Variants in CEP192 observed in about 807,000 individuals in gnomAD.
The protein encoded by CEP192 is centrosomal protein of 192 kDa.
Under a neutral mutation model 271.8 loss-of-function variants are expected in CEP192, and 151 were observed. The ratio of observed to expected loss-of-function variants is 0.56; its 90% CI spans 0.49 to 0.64. The LOEUF (loss-of-function observed/expected upper bound fraction) is 0.64, where lower values mean the gene tolerates loss of function less well. CEP192 is among the 30% of genes least tolerant of loss of function. The pLI is 0.00. For missense variants in CEP192, 2,910 were observed against 3,020.5 expected, an observed-to-expected ratio of 0.96 and a Z score of 0.86; for synonymous variants, 995 against 1,076.5, an observed-to-expected ratio of 0.92 and a Z score of 1.48.
At chr18:13,113,448 C>T in intron 40 of CEP192, 138 bp from the exon 41 acceptor site, 3 of 802,380 alleles carry the variant, frequency 3.7e-6, no homozygotes, top group East Asian at 2.7e-5. Context: ...CAAATTCTTT[C>T]AATTAATGGC....
At chr18:13,116,246 A>C in intron 42 of CEP192, 131 bp from the exon 43 acceptor site, 1 of 921,254 alleles carries the variant, frequency 1.1e-6, no homozygotes, top group South Asian at 1.6e-5. Context: ...CGTCATTACA[A>C]AACTTATATT....
chr18:13,113,018 C>T (rs2040272953), intron 40 of CEP192, among the ~76,000 whole-genome samples: 1 of 152,262 alleles, frequency 6.6e-6, no homozygotes, highest in Non-Finnish European at 1.5e-5. Context: ...AGGTTGTACA[C>T]ATGCAGGGTG....
In CEP192 at chr18:13,049,350, G is replaced by T. The variant is rs766949025; in HGVS notation, c.2559G>T (p.Glu853Asp). 7.4e-6 allele frequency: 12 copies of T among 1,614,000 alleles called. No individual in the cohort carries two copies. In the Admixed American group the frequency reaches 1.3e-4, roughly 18 times the overall value. ...TTTATGTTGAAAATGGAGAGAGTGA[G>T]AATCAAGAGTCATTTAGAACCATAA... ...AIVYVENGES[E>D]NQESFRTINS... Residue 853 changes from glutamate to aspartate, a missense_variant, in exon 16 of 45, where the codon GAG becomes GAT. Coordinates refer to ENST00000506447, the MANE Select transcript of CEP192 (RefSeq NM_032142.4).
At chr18:13,106,029 C>G (rs751616523) in intron 40 of CEP192, among the ~76,000 whole-genome samples, 2 of 152,102 alleles carry the variant, frequency 1.3e-5, no homozygotes, top group Non-Finnish European at 2.9e-5. Context: ...AAACTGCCAA[C>G]GTCATTTTTC....
At chr18:13,000,399 A>T (rs1263671141) in intron 2 of CEP192, 1 of 152,154 alleles carries the variant, frequency 6.6e-6, no homozygotes, top group Non-Finnish European at 1.5e-5. Context: ...TTGATATCTC[A>T]TGAGTTTCTG....
chr18:13,045,490 T>C (rs1215873246), intron 15 of CEP192, among the ~76,000 whole-genome samples: 1 of 152,214 alleles, frequency 6.6e-6, no homozygotes, highest in African/African-American at 2.4e-5. Context: ...TTTTTGAAAA[T>C]ATTTTCTGTA....
At chr18:13,020,322 A>G (rs1178606283) in intron 9 of CEP192, among the ~76,000 whole-genome samples, 1 of 152,226 alleles carries the variant, frequency 6.6e-6, no homozygotes, top group African/African-American at 2.4e-5. Context: ...TATAAGTGAA[A>G]TCATACAATA....
At chr18:12,999,005 T>C (rs1381942659) in intron 1 of CEP192, among the ~76,000 whole-genome samples, 1 of 152,192 alleles carries the variant, frequency 6.6e-6, no homozygotes, top group Non-Finnish European at 1.5e-5. Context: ...CTGGTTGTAC[T>C]TTTTCTGTTC....
At chr18:13,048,835 G>C in intron 15 of CEP192, 24 bp from the exon 16 acceptor site, 1 of 1,467,306 alleles carries the variant, frequency 6.8e-7, no homozygotes, top group Non-Finnish European at 9.3e-7. Flanking sequence ...AAATTTATCT[G>C]ATGTTTAATT....
In CEP192 at chr18:13,105,045, T is replaced by C; in HGVS notation, c.7013T>C (p.Ile2338Thr). ...TATGCAGCATTCAGATGTTCTCCTATTTCTGGTCTGCTGGAAAGCCATGGG... is the reference window on the plus strand; with the variant it reads ...TATGCAGCATTCAGATGTTCTCCTACTTCTGGTCTGCTGGAAAGCCATGGG... Reference protein sequence around the residue: ...ATYAAFRCSPISGLLESHGIQ... With the variant: ...ATYAAFRCSPTSGLLESHGIQ... Residue 2338 changes from isoleucine (I) to threonine (T), a missense_variant, in exon 40 of 45, where the codon ATT becomes ACT. By Grantham distance (89) the Ile-to-Thr change is moderately conservative (BLOSUM62 -1). Coordinates refer to ENST00000506447, the MANE Select transcript of CEP192 (RefSeq NM_032142.4). 1.2e-6 allele frequency: 2 copies of C among 1,614,106 alleles called. No individual in the cohort carries two copies. The highest frequency in any genetic ancestry group is 1.7e-6 in the Non-Finnish European group (2 of 1,179,908).
intron 1 of CEP192, among the ~76,000 whole-genome samples, chr18:12,998,688 T>C (rs1362870436): frequency 6.6e-6 from 1 of 152,204 alleles, no homozygotes; most frequent in Admixed American, 6.5e-5. Flanking sequence ...TTTTTTAGCT[T>C]TTCCTGATTA....
At chr18:13,053,141 T>C (rs764755718) in intron 18 of CEP192, 51 bp downstream of exon 18, 18 of 1,406,974 alleles carry the variant, frequency 1.3e-5, no homozygotes, top group Non-Finnish European at 1.4e-5. Context: ...CTCTTAAAAG[T>C]GTTAACAGAT....
rs369316044 is a variant in CEP192 at position 13,052,891 on chromosome 18, C to T, written c.3018-28C>T. The T allele has an allele frequency of 2.4e-5, 36 of 1,520,624 alleles. No individual in the cohort carries two copies. In the African/African-American group the frequency reaches 4.9e-4, roughly 20 times the overall value. 94.2% of individuals were successfully genotyped at this position (1,520,624 alleles called of 1,614,324 possible). ...TAGATAGTTGAAGGACTGGAGAACTCCAGGTGTGAGCTACTCTTCTCTTTC... is the reference window on the plus strand; with the variant it reads ...TAGATAGTTGAAGGACTGGAGAACTTCAGGTGTGAGCTACTCTTCTCTTTC... On this transcript the variant is annotated intron_variant, in intron 17 of 44. Transcript: ENST00000506447.
chr18:12,996,735 A>G (rs2145755286), intron 1 of CEP192, among the ~76,000 whole-genome samples: 1 of 152,302 alleles, frequency 6.6e-6, no homozygotes, highest in African/African-American at 2.4e-5. Context: ...TGAAGCCAAG[A>G]AAGTATTTCC....
At chr18:13,111,104 A>G (rs1305058302) in intron 40 of CEP192, among the ~76,000 whole-genome samples, 1 of 152,096 alleles carries the variant, frequency 6.6e-6, no homozygotes, top group African/African-American at 2.4e-5. Context: ...GATCCAATTG[A>G]GTTGACACCT....
At position 13,100,434 on chromosome 18, in the gene CEP192, A is replaced by G. The variant is rs1178847706; in HGVS notation, c.6793A>G (p.Thr2265Ala). ...AGTTAGTCATTTGGTCAAACCAATG[A>G]CAAAACCGCCTTCCACAAAAGTTGA... ...PSVSHLVKPM[T>A]KPPSTKVEIR... Residue 2265 changes from threonine (T) to alanine (A), a missense_variant, in exon 38 of 45, where the codon ACA (threonine) becomes GCA (alanine). By Grantham distance (58) the Thr-to-Ala change is moderately conservative (BLOSUM62 0). Transcript: ENST00000506447. 6.2e-7 allele frequency: 1 copy of G among 1,614,152 alleles called. No individual in the cohort carries two copies. Among genetic ancestry groups the G allele is most frequent in the Non-Finnish European group, 8.5e-7 (1 of 1,179,998 alleles).
intron 32 of CEP192, among the ~76,000 whole-genome samples, chr18:13,088,094 G>A (rs773382864): frequency 6.6e-5 from 10 of 152,166 alleles, no homozygotes; most frequent in East Asian, 1.9e-4. Context: ...TTGAATTTTC[G>A]AAATGTGTAA....
At chr18:13,061,180 A>T (rs1347151888) in intron 21 of CEP192, among the ~76,000 whole-genome samples, 1 of 152,126 alleles carries the variant, frequency 6.6e-6, no homozygotes, top group East Asian at 1.9e-4. Context: ...AAAATTAGCC[A>T]GGTGTGGTGG....
At chr18:13,077,790 T>C (rs746076677) in intron 30 of CEP192, among the ~76,000 whole-genome samples, 2 of 152,206 alleles carry the variant, frequency 1.3e-5, no homozygotes, top group African/African-American at 2.4e-5. Context: ...AAACATTTTA[T>C]TATGAAAAGG....
Sources: gnomAD v4.1 joint callset for allele counts (sites outside exome capture counted in the v4.1 genomes callset) on GRCh38, gnomAD v4.1.1 for gene constraint, MANE v1.5 for transcripts, NCBI Gene and HGNC (gene_info 2026-07-23, HGNC 2026-07-21) for gene names.